LAMA2: variants seen among roughly 807,000 people sequenced by gnomAD.
The protein encoded by LAMA2 is laminin subunit alpha-2.
Under a neutral mutation model 364.8 loss-of-function variants are expected in LAMA2, and 269 were observed. That is an observed-to-expected ratio of 0.74 (90% CI 0.67 to 0.82). LAMA2 has a LOEUF of 0.82. Ranked by LOEUF, LAMA2 falls within the 40% of genes least tolerant of loss-of-function variation. The pLI, the probability that LAMA2 is intolerant of heterozygous loss-of-function variation, is 0.00. For missense variants in LAMA2, 3,807 were observed against 3,873.2 expected (o/e 0.98, Z 0.45); for synonymous variants, 1,379 against 1,370.6 (o/e 1.01, Z -0.14).
At chr6:128,891,917 TAGG>T (rs1776478578) in intron 1 of LAMA2, among the ~76,000 whole-genome samples, 1 of 152,016 alleles carries the variant, frequency 6.6e-6, no homozygotes, top group Middle Eastern at 3.2e-3. Flanking sequence ...CGTATGGACT[TAGG>T]AGAAGGCTAG....
intron 12 of LAMA2, among the ~76,000 whole-genome samples, chr6:129,199,803 G>T (rs1782071329): frequency 6.6e-6 from 1 of 152,030 alleles, no homozygotes; most frequent in Non-Finnish European, 1.5e-5. Flanking sequence ...TATAGATGGG[G>T]TGCGATGGCT....
At chr6:129,297,533 A>T in intron 20 of LAMA2, 152 bp from the exon 21 acceptor site, 1 of 707,558 alleles carries the variant, frequency 1.4e-6, no homozygotes, top group South Asian at 1.7e-5. Context: ...GGTCCATTTG[A>T]TTGAATGAAA....
chr6:128,962,181 T>TACACACACAC (rs1251433348), intron 1 of LAMA2, among the ~76,000 whole-genome samples: 2 of 118,552 alleles, frequency 1.7e-5, no homozygotes, highest in African/African-American at 7.6e-5. Flanking sequence ...TATATATATA[T>TACACACACAC]ATATACACAC....
intron 12 of LAMA2, among the ~76,000 whole-genome samples, chr6:129,242,937 TC>T (rs1270934350): frequency 6.6e-6 from 1 of 152,138 alleles, no homozygotes; most frequent in Non-Finnish European, 1.5e-5. Flanking sequence ...TCTAAGCACA[TC>T]ATCTTCTTCT....
At chr6:128,948,767 T>A (rs1780632178) in intron 1 of LAMA2, among the ~76,000 whole-genome samples, 1 of 151,958 alleles carries the variant, frequency 6.6e-6, no homozygotes, top group South Asian at 2.1e-4. Flanking sequence ...GAAATTGGGA[T>A]CTCCCCCTGC....
chr6:129,515,870 T>C (rs1053855931), intron 64 of LAMA2, among the ~76,000 whole-genome samples: 4 of 152,080 alleles, frequency 2.6e-5, no homozygotes, highest in African/African-American at 9.7e-5. Flanking sequence ...GGGAGATCTC[T>C]TGAGCCCAGG....
chr6:129,312,946 G>A lies in LAMA2; in HGVS notation c.3260G>A (p.Gly1087Asp). 6.2e-7 allele frequency: 1 copy of A among 1,614,136 alleles called. No individual in the cohort carries two copies. The highest frequency in any genetic ancestry group is 1.3e-5 in the African/African-American group (1 of 75,040). The change falls in exon 23 of 65, where the codon GGT becomes GAT. Residue 1087 changes from glycine to aspartate, a missense_variant. Physicochemically the swap from Gly to Asp is moderately conservative, Grantham distance 94. Coordinates refer to ENST00000421865, the MANE Select transcript of LAMA2 (RefSeq NM_000426.4). ...TGCAACTGTCATCCAAAATTCTCTG[G>A]TGCAAAATGTACAGAGTGCAGTCGA... ...GQCNCHPKFS[G>D]AKCTECSRGH...
chr6:129,359,110 G>T (rs1777314617), intron 32 of LAMA2, among the ~76,000 whole-genome samples: 1 of 151,732 alleles, frequency 6.6e-6, no homozygotes, highest in South Asian at 2.1e-4. Flanking sequence ...GTCATGTAGT[G>T]ACTGTTGTGT....
intron 12 of LAMA2, among the ~76,000 whole-genome samples, chr6:129,236,624 A>T (rs1171757697): frequency 6.6e-6 from 1 of 152,192 alleles, no homozygotes; most frequent in African/African-American, 2.4e-5. Flanking sequence ...AGAATAAATA[A>T]CATTGAAATA....
intron 1 of LAMA2, among the ~76,000 whole-genome samples, chr6:128,935,158 C>T (rs546137841): frequency 1.3e-5 from 2 of 152,090 alleles, no homozygotes; most frequent in Non-Finnish European, 2.9e-5. Flanking sequence ...TGGTTTGCCG[C>T]ACCCGTCAAC....
intron 49 of LAMA2, among the ~76,000 whole-genome samples, chr6:129,463,254 A>G (rs1583811065): frequency 6.6e-6 from 1 of 152,078 alleles, no homozygotes; most frequent in Admixed American, 6.6e-5. Context: ...TTTATTAATT[A>G]TGAAAGAATA....
intron 59 of LAMA2, 104 bp from the exon 60 acceptor site, chr6:129,502,987 T>C: frequency 8.7e-7 from 1 of 1,150,740 alleles, no homozygotes; most frequent in Non-Finnish European, 1.3e-6. Context: ...CTGAGAAGGT[T>C]TTACTCTCCT....
At chr6:128,891,430 T>C (rs961654885) in intron 1 of LAMA2, among the ~76,000 whole-genome samples, 20 of 152,078 alleles carry the variant, frequency 1.3e-4, no homozygotes, top group African/African-American at 4.8e-4. Flanking sequence ...TATTGCCTTC[T>C]GTGCAATTTT....
intron 31 of LAMA2, among the ~76,000 whole-genome samples, chr6:129,352,086 A>G (rs750245618): frequency 5.3e-5 from 8 of 152,174 alleles, no homozygotes; most frequent in Non-Finnish European, 1.2e-4. Context: ...TTGAACAAAA[A>G]TTCTAACTGT....
intron 41 of LAMA2, among the ~76,000 whole-genome samples, chr6:129,436,632 A>T (rs1781845946): frequency 6.6e-6 from 1 of 152,132 alleles, no homozygotes; most frequent in Non-Finnish European, 1.5e-5. Context: ...ATTCTAATAA[A>T]CTTATTAACT....
chr6:129,371,598 A>G (rs7739173), intron 34 of LAMA2, among the ~76,000 whole-genome samples: 137,123 of 149,950 alleles, frequency 0.91, 62,722 homozygotes, highest in East Asian at 0.97. Flanking sequence ...AGAGACACAA[A>G]AAGTATTTCT....
intron 28 of LAMA2, among the ~76,000 whole-genome samples, chr6:129,322,280 C>G (rs1775011145): frequency 6.6e-6 from 1 of 152,198 alleles, no homozygotes; most frequent in African/African-American, 2.4e-5. Flanking sequence ...TAAACTTATA[C>G]TGGTAAGCAC....
intron 46 of LAMA2, 48 bp from the exon 47 acceptor site, chr6:129,454,107 A>T (rs1261401261): frequency 3.8e-6 from 6 of 1,562,542 alleles, no homozygotes; most frequent in Non-Finnish European, 5.3e-6. Context: ...TCCTCTTTAA[A>T]GGTGCTTTAT....
At chr6:129,348,467 T>C (rs1776682388) in intron 30 of LAMA2, among the ~76,000 whole-genome samples, 3 of 152,176 alleles carry the variant, frequency 2.0e-5, no homozygotes, top group Non-Finnish European at 4.4e-5. Context: ...CATTCAGTTT[T>C]ATCTAACGGG....
Sources: gnomAD v4.1 joint callset for allele counts (sites outside exome capture counted in the v4.1 genomes callset) on GRCh38, gnomAD v4.1.1 for gene constraint, MANE v1.5 for transcripts, NCBI Gene and HGNC (gene_info 2026-07-23, HGNC 2026-07-21) for gene names.